The following AP5M1 variants were observed in gnomAD, a reference collection of about 807,000 sequenced individuals.
AP5M1 encodes the protein adaptor related protein complex 5 subunit mu 1.
AP5M1 carries 44 observed loss-of-function variants against 52.3 expected under a neutral mutation model. The observed-to-expected ratio is 0.84, with a 90% confidence interval of 0.66 to 1.08. The LOEUF (loss-of-function observed/expected upper bound fraction) is 1.08, where lower values mean the gene tolerates loss of function less well. Among genes scored for constraint, AP5M1 ranks in the 50% least tolerant of loss-of-function variants. The probability of loss-of-function intolerance (pLI) is 0.00; values close to 1 mark genes in which losing one functional copy is unlikely to be tolerated. For synonymous variants in AP5M1, 213 were observed against 199.0 expected, an observed-to-expected ratio of 1.07 and a Z score of -0.59; for missense variants, 526 against 568.4, an observed-to-expected ratio of 0.93 and a Z score of 0.76.
Position 57,269,327 on chromosome 14 carries a change from G to A in AP5M1, c.13G>A (p.Ala5Thr). Residue 5 changes from alanine to threonine, a missense_variant, in exon 1 of 8, where the codon GCA (alanine) becomes ACA (threonine). This residue lies in a region of AP5M1 where 425 missense variants were observed against 430.6 expected (regional missense o/e 0.99). Coordinates refer to ENST00000261558, the MANE Select transcript of AP5M1 (RefSeq NM_018229.4). MAQR[A>T]VWLISHEPGT... The stretch of plus-strand genomic sequence containing the variant: ...TACTGACTTAACCATGGCGCAGCGG[G>A]CAGTGTGGCTCATAAGCCACGAACC... 7 of 1,614,130 alleles carry A rather than the reference G, an allele frequency of 4.3e-6. No homozygotes were observed. Among genetic ancestry groups the A allele is most frequent in the Non-Finnish European group, 5.9e-6 (7 of 1,180,012 alleles).
In AP5M1 at chr14:57,280,416, T is replaced by G; in HGVS notation, c.942T>G (p.Thr314=). ...PLESFNLCFY[T]SQVPVPPILG... ...AGTCATTCAACTTATGCTTCTACAC[T>G]TCCCAGGTAACAACCCTAGAATAGT... The change falls in exon 3 of 8, where the codon ACT becomes ACG. Residue 314 remains threonine, a synonymous_variant. Transcript: ENST00000261558. 6.2e-7 allele frequency: 1 copy of G among 1,601,676 alleles called. No individual in the cohort carries two copies. The highest frequency in any genetic ancestry group is 8.6e-7 in the Non-Finnish European group (1 of 1,168,668).
chr14:57,275,977 G>A (rs958450262), intron 2 of AP5M1, among the ~76,000 whole-genome samples: 1 of 151,868 alleles, frequency 6.6e-6, no homozygotes, highest in African/African-American at 2.4e-5. Flanking sequence ...CAAATTTAAT[G>A]TTGTGTGGCT....
chr14:57,286,609 T>G (rs1328841444), intron 7 of AP5M1: 3 of 241,076 alleles, frequency 1.2e-5, no homozygotes, highest in African/African-American at 6.8e-5. Flanking sequence ...TCACAGAGAC[T>G]GTGATGTTGG....
At chr14:57,285,357 A>G (rs181145028) in intron 6 of AP5M1, among the ~76,000 whole-genome samples, 3 of 152,296 alleles carry the variant, frequency 2.0e-5, no homozygotes, top group Non-Finnish European at 4.4e-5. Flanking sequence ...TCCCATCACC[A>G]ACCAGTTACA....
intron 6 of AP5M1, among the ~76,000 whole-genome samples, chr14:57,283,633 C>G (rs189862006): frequency 6.6e-6 from 1 of 152,030 alleles, no homozygotes. Context: ...TGTTTTTAAA[C>G]GGAACCAGCT....
chr14:57,277,827 G>A (rs1885077986), intron 2 of AP5M1, among the ~76,000 whole-genome samples: 1 of 151,692 alleles, frequency 6.6e-6, no homozygotes, highest in African/African-American at 2.4e-5. Flanking sequence ...ATAGAAATGT[G>A]TCAGGCACTA....
chr14:57,274,747 A>C lies in AP5M1; in HGVS notation c.578A>C (p.Gln193Pro). The change falls in exon 2 of 8, where the codon CAG (glutamine) becomes CCG (proline). Residue 193 changes from glutamine to proline, a missense_variant. Gln to Pro is a moderately conservative substitution (Grantham distance 76). Transcript: ENST00000261558. ...AATTTTGCATCTGTGACTCAGCCACAGAAACAGCCAGCTTGGAAAACTGGG... is the reference window on the plus strand; with the variant it reads ...AATTTTGCATCTGTGACTCAGCCACCGAAACAGCCAGCTTGGAAAACTGGG... Reference protein sequence around the residue: ...NTNFASVTQPQKQPAWKTGTY... With the variant: ...NTNFASVTQPPKQPAWKTGTY... 1 of 1,614,244 alleles carries C rather than the reference A, an allele frequency of 6.2e-7. No homozygotes were observed. The highest frequency in any genetic ancestry group is 2.2e-5 in the East Asian group (1 of 44,890).
Position 57,274,439 on chromosome 14 carries a change from T to C in AP5M1, c.270T>C (p.Gly90=). 1.2e-6 allele frequency: 2 copies of C among 1,614,106 alleles called. No individual in the cohort carries two copies. The highest frequency in any genetic ancestry group is 1.7e-5 in the Admixed American group (1 of 60,022). The change falls in exon 2 of 8, where the codon GGT becomes GGC. Residue 90 remains glycine, a synonymous_variant. Transcript: ENST00000261558. ...KTSIYGLLIG[G]EELWPVVAFL... is the part of the protein sequence containing the mutation. ...CCATTTATGGACTCCTGATAGGAGG[T>C]GAAGAACTCTGGCCAGTTGTTGCTT...
In AP5M1 at chr14:57,274,300, CTG is replaced by C; in HGVS notation, c.133_134del (p.Val45SerfsTer2). ...GTCTTCAATGGAGCAAGTTATGTGC[CTG>C]TTCCTGAAGATGGTCCCTTTCTTAA... On this transcript the variant is annotated frameshift_variant, in exon 2 of 8. Transcript: ENST00000261558. LOFTEE classifies it high-confidence loss of function. 6.2e-7 allele frequency: 1 copy of C among 1,614,120 alleles called. No individual in the cohort carries two copies. The highest frequency in any genetic ancestry group is 8.5e-7 in the Non-Finnish European group (1 of 1,180,018).
chr14:57,274,993 A>G (rs1884990306), intron 2 of AP5M1, 104 bp downstream of exon 2: 2 of 1,370,032 alleles, frequency 1.5e-6, no homozygotes, highest in Non-Finnish European at 2.0e-6. Flanking sequence ...TTTCATCTTA[A>G]GCAGCAGTTT....
At chr14:57,276,493 T>C (rs1293475104) in intron 2 of AP5M1, among the ~76,000 whole-genome samples, 1 of 152,044 alleles carries the variant, frequency 6.6e-6, no homozygotes, top group Non-Finnish European at 1.5e-5. Flanking sequence ...TGAGACTCGC[T>C]TGAACTGGGA....
intron 7 of AP5M1, among the ~76,000 whole-genome samples, chr14:57,287,039 AAT>A (rs1885326261): frequency 6.6e-6 from 1 of 151,956 alleles, no homozygotes; most frequent in Non-Finnish European, 1.5e-5. Context: ...AACATATGAA[AAT>A]ATGAGACAAA....
rs1240268478 is a variant in AP5M1 at position 57,286,083 on chromosome 14, A to T, written c.1294-140A>T. ...TATATATATGTGTGCGCACACACAC[A>T]ATTCAAGTTTAGTACTTGTGGTTTT... On this transcript the variant is annotated intron_variant, in intron 6 of 7. Transcript: ENST00000261558. 1.3e-5 allele frequency: 8 copies of T among 624,994 alleles called. No individual in the cohort carries two copies. In the African/African-American group the frequency reaches 1.5e-4, roughly 11 times the overall value. 38.7% of individuals were successfully genotyped at this position (624,994 alleles called of 1,614,324 possible).
rs942384091 is a variant in AP5M1, at chr14:57,290,730, A to G, written c.*1846A>G. The G allele has an allele frequency of 6.6e-6, 1 of 151,940 alleles. No individual in the cohort carries two copies. Among genetic ancestry groups the G allele is most frequent in the African/African-American group, 2.4e-5 (1 of 41,428 alleles). The allele number at this position is 151,940 out of a possible 1,614,324, so 9.4% of individuals were successfully genotyped here. A position where few individuals can be genotyped will look rare whatever the true frequency, so the allele number is the denominator to read the frequency against. ...CCATTCCATTCTAACATAGTGCTAC[A>G]GAACTGAACCAACTTAGGTTTTCAT... On this transcript the variant is annotated 3_prime_UTR_variant, in exon 8 of 8. Coordinates refer to ENST00000261558, the MANE Select transcript of AP5M1 (RefSeq NM_018229.4).
rs1451013495 is a variant in AP5M1, at chr14:57,296,558, A to G, written c.*7674A>G. 1 of 152,170 alleles carries G rather than the reference A, an allele frequency of 6.6e-6. No individual in the cohort carries two copies. The highest frequency in any genetic ancestry group is 1.5e-5 in the Non-Finnish European group (1 of 67,994). The allele number at this position is 152,170 out of a possible 1,614,324, so 9.4% of individuals were successfully genotyped here. On this transcript the variant is annotated 3_prime_UTR_variant, in exon 8 of 8. Coordinates refer to ENST00000261558, the MANE Select transcript of AP5M1 (RefSeq NM_018229.4). ...TAATTCTGCTTTTGCTAAGGCAATA[A>G]TCAGTAGAAGTGGTTAGTAATATTT...
chr14:57,288,387 G>A (rs1359599055), intron 7 of AP5M1, among the ~76,000 whole-genome samples: 4 of 152,026 alleles, frequency 2.6e-5, no homozygotes, highest in Non-Finnish European at 5.9e-5. Flanking sequence ...AGGAAGTTAG[G>A]TGTTAATTTA....
rs777272858 is a variant in AP5M1 at position 57,274,273 on chromosome 14, G to C, written c.104G>C (p.Arg35Thr). 33 of 1,612,842 alleles carry C rather than the reference G, an allele frequency of 2.0e-5. 1 individual carries two copies. Among genetic ancestry groups the C allele is most frequent in the East Asian group, 4.5e-5 (2 of 44,854 alleles). Reference protein sequence around the residue: ...RRYPTVEKRARVFNGASYVPV... With the variant: ...RRYPTVEKRATVFNGASYVPV... ...TATCCAACTGTTGAAAAACGAGCCA[G>C]AGTCTTCAATGGAGCAAGTTATGTG... Residue 35 changes from arginine (R) to threonine (T), a missense_variant, in exon 2 of 8, where the codon AGA (arginine) becomes ACA (threonine). This residue lies in a region of AP5M1 where 425 missense variants were observed against 430.6 expected (regional missense o/e 0.99). Coordinates refer to ENST00000261558, the MANE Select transcript of AP5M1 (RefSeq NM_018229.4).
At position 57,274,601 on chromosome 14, in the gene AP5M1, A is replaced by G; in HGVS notation, c.432A>G (p.Ser144=). The change falls in exon 2 of 8, where the codon TCA becomes TCG. Residue 144 remains serine (S), a synonymous_variant. Coordinates refer to ENST00000261558, the MANE Select transcript of AP5M1 (RefSeq NM_018229.4). The part of the protein sequence containing the change: ...FLFGIQDFLY[S]GQKNDSELNT... ...TTGGGATACAGGATTTTCTTTATTC[A>G]GGTCAAAAAAATGACTCTGAGCTGA... is the stretch of plus-strand genomic sequence containing the variant. 1 of 1,614,210 alleles carries G rather than the reference A, an allele frequency of 6.2e-7. No homozygotes were observed. Among genetic ancestry groups the G allele is most frequent in the Non-Finnish European group, 8.5e-7 (1 of 1,180,038 alleles).
Position 57,290,139 on chromosome 14 carries a change from C to G in AP5M1, c.*1255C>G, listed in dbSNP as rs1221446352. 6.6e-6 allele frequency: 1 copy of G among 151,864 alleles called. No individual in the cohort carries two copies. Among genetic ancestry groups the G allele is most frequent in the Non-Finnish European group, 1.5e-5 (1 of 67,896 alleles). 9.4% of individuals were successfully genotyped at this position (151,864 alleles called of 1,614,324 possible). On this transcript the variant is annotated 3_prime_UTR_variant, in exon 8 of 8. Coordinates refer to ENST00000261558, the MANE Select transcript of AP5M1 (RefSeq NM_018229.4). ...AAAAGCTTAGAAAAGCTGCTAACTCCTCAGAAGAAAGCATGATAGTTTAAA... is the reference window on the plus strand; with the variant it reads ...AAAAGCTTAGAAAAGCTGCTAACTCGTCAGAAGAAAGCATGATAGTTTAAA...
Sources: allele counts gnomAD v4.1 joint callset (sites outside exome capture counted in the v4.1 genomes callset), GRCh38; gene constraint gnomAD v4.1.1; regional missense constraint gnomAD v4.1.1; transcripts MANE v1.5; gene names NCBI Gene and HGNC (gene_info 2026-07-23, HGNC 2026-07-21).